The following ECPAS variants were observed in gnomAD, a reference collection of about 807,000 sequenced individuals.
ECPAS encodes Ecm29 proteasome adaptor and scaffold.
ECPAS carries 70 observed loss-of-function variants against 255.1 expected under a neutral mutation model. The observed-to-expected ratio is 0.27, with a 90% CI of 0.23 to 0.33. ECPAS has a LOEUF of 0.33. Ranked by LOEUF, ECPAS falls within the 10% of genes least tolerant of loss-of-function variation. ECPAS has a pLI of 1.00. For missense variants in ECPAS, 1,817 were observed against 2,206.4 expected (o/e 0.82, Z 3.54); for synonymous variants, 784 against 775.0 (o/e 1.01, Z -0.19).
intron 33 of ECPAS, among the ~76,000 whole-genome samples, chr9:111,385,132 T>C (rs540526879): frequency 6.6e-6 from 1 of 151,980 alleles, no homozygotes; most frequent in Non-Finnish European, 1.5e-5. Context: ...TACAGCCACC[T>C]TTTTTTTCCC....
At chr9:111,380,003 A>AG (rs2098138544) in intron 35 of ECPAS, among the ~76,000 whole-genome samples, 1 of 152,200 alleles carries the variant, frequency 6.6e-6, no homozygotes, top group Admixed American at 6.5e-5. Flanking sequence ...ACCTCCTCCC[A>AG]TGAATCATGA....
At position 111,433,307 on chromosome 9, in the gene ECPAS, G is replaced by A. The variant is rs2297530; in HGVS notation, c.774C>T (p.His258=). The A allele has an allele frequency of 0.071, 115,165 of 1,613,806 alleles. 5,125 individuals are homozygous for A. The highest frequency in any genetic ancestry group is 0.2 in the East Asian group (8,757 of 44,868). ...EQVPELEAVL[H]LVIASSDTRH... is the part of the protein sequence containing the mutation. ...GTGTATCACTAGAGGCAATCACCAA[G>A]TGGAGAACAGCTTCAAGTTCAGGCA... is the stretch of plus-strand genomic sequence containing the variant. The change falls in exon 8 of 50, where the codon CAC becomes CAT. Residue 258 remains histidine, a synonymous_variant. Transcript: ENST00000684092.
Position 111,376,516 on chromosome 9 carries a change from C to T in ECPAS, c.3980G>A (p.Ser1327Asn), listed in dbSNP as rs1012944147. The change falls in exon 37 of 50, where the codon AGT (serine) becomes AAT (asparagine). Residue 1327 changes from serine (S) to asparagine (N), a missense_variant. By Grantham distance (46) the Ser-to-Asn change is conservative. Coordinates refer to ENST00000684092, the MANE Select transcript of ECPAS (RefSeq NM_001364929.1). ...CATCATTGGAGAAGATTTGGCAGCA[C>T]TAAGCCGAGCACTATCCATCGCAGC... ...EKAAMDSARL[S>N]AAKSSPMMET... 6.2e-7 allele frequency: 1 copy of T among 1,600,338 alleles called. No homozygotes were observed. Among genetic ancestry groups the T allele is most frequent in the African/African-American group, 1.3e-5 (1 of 74,772 alleles).
rs1319342155 is a variant in ECPAS, at chr9:111,423,146, A to G, written c.1265+53T>C. On this transcript the variant is annotated intron_variant, in intron 13 of 49. Coordinates refer to ENST00000684092, the MANE Select transcript of ECPAS (RefSeq NM_001364929.1). The stretch of plus-strand genomic sequence containing the variant: ...CTCCGCCATTATTAAATGCCACATA[A>G]TTTTTCTCTGTTTACCAACACCATA... The G allele has an allele frequency of 5.6e-6, 7 of 1,242,050 alleles. No homozygotes were observed. The East Asian group carries it at 1.5e-4, about 27-fold the overall frequency. The allele number at this position is 1,242,050 out of a possible 1,614,324, so 76.9% of individuals were successfully genotyped here. A position where few individuals can be genotyped will look rare whatever the true frequency, so the allele number is the denominator to read the frequency against.
At chr9:111,427,284 G>C (rs2098223263) in intron 10 of ECPAS, among the ~76,000 whole-genome samples, 1 of 152,192 alleles carries the variant, frequency 6.6e-6, no homozygotes, top group South Asian at 2.1e-4. Flanking sequence ...ATTAATAGCA[G>C]CATTATAGGC....
chr9:111,438,393 A>C (rs1328385110), intron 6 of ECPAS, among the ~76,000 whole-genome samples: 1 of 152,186 alleles, frequency 6.6e-6, no homozygotes, highest in African/African-American at 2.4e-5. Flanking sequence ...TGGGAAGCCA[A>C]GGTGGGAGGA....
At chr9:111,380,785 T>C (rs2098139628) in intron 35 of ECPAS, among the ~76,000 whole-genome samples, 1 of 152,242 alleles carries the variant, frequency 6.6e-6, no homozygotes, top group African/African-American at 2.4e-5. Flanking sequence ...ACCTTGCATC[T>C]TTATGTTATG....
chr9:111,437,438 C>T (rs1305868779), intron 6 of ECPAS, among the ~76,000 whole-genome samples: 1 of 152,090 alleles, frequency 6.6e-6, no homozygotes, highest in Non-Finnish European at 1.5e-5. Flanking sequence ...TTTGAGCTGC[C>T]AAATATGAGG....
At chr9:111,403,845 ACCATATGT>A (rs1468303346) in intron 24 of ECPAS, among the ~76,000 whole-genome samples, 1 of 149,914 alleles carries the variant, frequency 6.7e-6, no homozygotes, top group Non-Finnish European at 1.5e-5. Context: ...TCCAGGATAG[ACCATATGT>A]TAGACCACAA....
Position 111,414,606 on chromosome 9 carries a change from C to G in ECPAS, c.1810G>C (p.Val604Leu). Residue 604 changes from valine to leucine, a missense_variant, in exon 19 of 50, where the codon GTG (valine) becomes CTG (leucine). Val to Leu is a conservative substitution (Grantham distance 32, BLOSUM62 1). This residue lies in a region of ECPAS where 573 missense variants were observed against 716.2 expected (regional missense o/e 0.80). Coordinates refer to ENST00000684092, the MANE Select transcript of ECPAS (RefSeq NM_001364929.1). ...TCAGCCAAACTCTGAGAGGTGGGCA[C>G]CACCCCCGCACTGTGCGCAAGGCAC... ...RMCLAHSAGV[V>L]PTSQSLADMQ... 1 of 1,613,882 alleles carries G rather than the reference C, an allele frequency of 6.2e-7. No homozygotes were observed. The highest frequency in any genetic ancestry group is 8.5e-7 in the Non-Finnish European group (1 of 1,179,872).
Position 111,385,383 on chromosome 9 carries a change from A to G in ECPAS, c.3587T>C (p.Leu1196Pro). 1 of 1,582,844 alleles carries G rather than the reference A, an allele frequency of 6.3e-7. No individual in the cohort carries two copies. The highest frequency in any genetic ancestry group is 8.6e-7 in the Non-Finnish European group (1 of 1,161,758). ...AAAAAGCGTTTCCCAAATTTCTGGAAGTTTATCAATGATGTCATCTAAGGG... is the reference window on the plus strand; with the variant it reads ...AAAAAGCGTTTCCCAAATTTCTGGAGGTTTATCAATGATGTCATCTAAGGG... ...GRPLDDIIDK[L>P]PEIWETLFRV... Residue 1196 changes from leucine (L) to proline (P), a missense_variant, in exon 33 of 50, where the codon CTT becomes CCT. Transcript: ENST00000684092.
chr9:111,394,119 T>C, intron 26 of ECPAS, 41 bp downstream of exon 26: 2 of 1,542,612 alleles, frequency 1.3e-6, no homozygotes, highest in South Asian at 2.5e-5. Context: ...CTTATAATAC[T>C]GTGGTTTCCA....
Position 111,451,487 on chromosome 9 carries a change from A to T in ECPAS, c.91T>A (p.Ser31Thr). The T allele has an allele frequency of 1.3e-6, 2 of 1,574,352 alleles. No homozygotes were observed. The highest frequency in any genetic ancestry group is 1.7e-6 in the Non-Finnish European group (2 of 1,158,870). The change falls in exon 3 of 50, where the codon TCT becomes ACT. Residue 31 changes from serine to threonine, a missense_variant. Ser to Thr is a moderately conservative substitution (Grantham distance 58). Around this residue, in one of 4 missense-constraint regions of ECPAS, gnomAD observed 90 missense variants for 158.5 expected, o/e 0.57. Coordinates refer to ENST00000684092, the MANE Select transcript of ECPAS (RefSeq NM_001364929.1). ...ETDEQLQNIISKFLPPVLLKL... is the reference protein window; with the variant it reads ...ETDEQLQNIITKFLPPVLLKL... ...AGCAAAACAGGAGGAAGGAATTTAGATATAATATTCTGTAATTGTTCATCT... is the reference window on the plus strand; with the variant it reads ...AGCAAAACAGGAGGAAGGAATTTAGTTATAATATTCTGTAATTGTTCATCT...
chr9:111,430,008 A>G (rs1316195710), intron 9 of ECPAS, among the ~76,000 whole-genome samples: 2 of 152,258 alleles, frequency 1.3e-5, no homozygotes, highest in Non-Finnish European at 1.5e-5. Context: ...ATTCTAGACC[A>G]GAAGTCTGCA....
intron 37 of ECPAS, among the ~76,000 whole-genome samples, chr9:111,375,648 A>G (rs561883980): frequency 6.6e-6 from 1 of 152,118 alleles, no homozygotes; most frequent in Non-Finnish European, 1.5e-5. Context: ...TGCAATTAAC[A>G]TGTTTTCTAT....
chr9:111,446,554 G>C (rs1296325049), intron 3 of ECPAS, among the ~76,000 whole-genome samples: 1 of 151,914 alleles, frequency 6.6e-6, no homozygotes, highest in African/African-American at 2.4e-5. Context: ...GGTGAATTAT[G>C]TTTAAGAATA....
chr9:111,387,653 T>A (rs1029566121), intron 31 of ECPAS, among the ~76,000 whole-genome samples: 1 of 151,714 alleles, frequency 6.6e-6, no homozygotes, highest in African/African-American at 2.4e-5. Flanking sequence ...TCACTCATCA[T>A]CAGTGCAGTT....
In ECPAS at chr9:111,451,630, T is replaced by C. The variant is rs1037320469; in HGVS notation, c.23-75A>G. 8 of 1,371,318 alleles carry C rather than the reference T, an allele frequency of 5.8e-6. No individual in the cohort carries two copies. The South Asian group carries it at 9.1e-5, about 16-fold the overall frequency. The allele number at this position is 1,371,318 out of a possible 1,614,324, so 84.9% of individuals were successfully genotyped here. A position where few individuals can be genotyped will look rare whatever the true frequency, so the allele number is the denominator to read the frequency against. ...CAAGACCAATTATTTTTATAGCTTATTCTTTTTTTCTGTACTGCAATCCTT... is the reference window on the plus strand; with the variant it reads ...CAAGACCAATTATTTTTATAGCTTACTCTTTTTTTCTGTACTGCAATCCTT... On this transcript the variant is annotated intron_variant, in intron 2 of 49. Transcript: ENST00000684092.
At chr9:111,448,135 T>C (rs1381760956) in intron 3 of ECPAS, among the ~76,000 whole-genome samples, 2 of 152,200 alleles carry the variant, frequency 1.3e-5, no homozygotes, top group Non-Finnish European at 1.5e-5. Context: ...AAATATCACA[T>C]GTACCCCCAT....
Sources: allele counts gnomAD v4.1 joint callset (sites outside exome capture counted in the v4.1 genomes callset), GRCh38; gene constraint gnomAD v4.1.1; regional missense constraint gnomAD v4.1.1; transcripts MANE v1.5; gene names NCBI Gene and HGNC (gene_info 2026-07-23, HGNC 2026-07-21).